The following CACNB2 variants were observed in gnomAD, a reference collection of about 807,000 sequenced individuals.
CACNB2 encodes the protein calcium voltage-gated channel auxiliary subunit beta 2, also known as voltage-dependent L-type calcium channel subunit beta-2.
A neutral mutation model predicts 73.3 loss-of-function variants in CACNB2; 42 were observed. The observed-to-expected ratio is 0.57, with a 90% CI of 0.45 to 0.74. The LOEUF (loss-of-function observed/expected upper bound fraction) is 0.74, where lower values mean the gene tolerates loss of function less well. CACNB2 is among the 30% of genes least tolerant of loss of function. CACNB2 has a pLI of 0.00. For missense variants in CACNB2, 940 were observed against 853.0 expected, an observed-to-expected ratio of 1.10 and a Z score of -1.27; for synonymous variants, 348 against 310.3, an observed-to-expected ratio of 1.12 and a Z score of -1.28.
chr10:18,360,078 G>C (rs1398055404), intron 2 of CACNB2, among the ~76,000 whole-genome samples: 3 of 152,144 alleles, frequency 2.0e-5, no homozygotes, highest in African/African-American at 7.2e-5. Flanking sequence ...GCTCAGGAAA[G>C]ACATCAATAA....
chr10:18,500,150 AG>A (rs1213499831), intron 4 of CACNB2, among the ~76,000 whole-genome samples: 1 of 152,318 alleles, frequency 6.6e-6, no homozygotes, highest in Admixed American at 6.5e-5. Context: ...TGATGCTGAA[AG>A]GGGGATCTTT....
intron 2 of CACNB2, among the ~76,000 whole-genome samples, chr10:18,393,580 A>G (rs1408824468): frequency 4.6e-5 from 7 of 152,246 alleles, no homozygotes; most frequent in Non-Finnish European, 8.8e-5. Flanking sequence ...CTTCAGCTTC[A>G]GTACTGAAAA....
chr10:18,303,400 G>A (rs913540277), intron 2 of CACNB2, among the ~76,000 whole-genome samples: 1 of 152,082 alleles, frequency 6.6e-6, no homozygotes, highest in African/African-American at 2.4e-5. Flanking sequence ...AGCCGCTCAG[G>A]GGGCTGAGAT....
intron 3 of CACNB2, among the ~76,000 whole-genome samples, chr10:18,443,808 A>C (rs2046598181): frequency 6.7e-6 from 1 of 150,150 alleles, no homozygotes; most frequent in Admixed American, 6.7e-5. Flanking sequence ...TCCACCTCCC[A>C]GGTTCAAGAG....
At chr10:18,279,366 C>T (rs1228262267) in intron 2 of CACNB2, among the ~76,000 whole-genome samples, 1 of 152,130 alleles carries the variant, frequency 6.6e-6, no homozygotes, top group African/African-American at 2.4e-5. Context: ...ATGATTCGCA[C>T]CAAGGGGGAA....
chr10:18,254,886 T>A (rs1357867743), intron 2 of CACNB2, among the ~76,000 whole-genome samples: 1 of 152,272 alleles, frequency 6.6e-6, no homozygotes, highest in Non-Finnish European at 1.5e-5. Context: ...GGAACGTGTA[T>A]GTATTACATT....
In CACNB2 at chr10:18,148,018, G is replaced by GT. The variant is rs547114646; in HGVS notation, c.121-2858dup. ...TTAGCTTTCCAAAGATGCTTTAAAT[G>GT]TTTTTTTGTTTTCTGATCCTGACTG... On this transcript the variant is annotated intron_variant, in intron 1 of 13. Transcript: ENST00000324631. Among the ~76,000 whole-genome samples, 4 of 151,786 alleles carry GT rather than the reference G, an allele frequency of 2.6e-5. No individual in the cohort carries two copies. The East Asian group carries it at 5.8e-4, about 22-fold the overall frequency.
chr10:18,372,642 G>C (rs957578537), intron 2 of CACNB2, among the ~76,000 whole-genome samples: 6 of 152,212 alleles, frequency 3.9e-5, no homozygotes, highest in Admixed American at 3.9e-4. Flanking sequence ...TCTGACCTCA[G>C]GTCATCCACC....
At chr10:18,408,795 G>A (rs529399639) in intron 3 of CACNB2, among the ~76,000 whole-genome samples, 9 of 152,206 alleles carry the variant, frequency 5.9e-5, no homozygotes, top group African/African-American at 1.7e-4. Flanking sequence ...GATTATGGAC[G>A]CAAATTTTTT....
chr10:18,460,230 C>T (rs1478574665), intron 3 of CACNB2, among the ~76,000 whole-genome samples: 1 of 151,956 alleles, frequency 6.6e-6, no homozygotes, highest in Non-Finnish European at 1.5e-5. Context: ...TTGTGGCTGT[C>T]AGTAGATTAA....
At chr10:18,334,387 G>T (rs998011383) in intron 2 of CACNB2, among the ~76,000 whole-genome samples, 10 of 152,204 alleles carry the variant, frequency 6.6e-5, no homozygotes, top group Non-Finnish European at 1.5e-4. Context: ...AGACCCACGG[G>T]GGTCTGGTTT....
At chr10:18,182,917 A>G (rs1040082208) in intron 2 of CACNB2, among the ~76,000 whole-genome samples, 21 of 152,066 alleles carry the variant, frequency 1.4e-4, no homozygotes, top group African/African-American at 4.1e-4. Context: ...TTTTATCTCA[A>G]TCTCTTACAC....
At chr10:18,491,088 G>T (rs1304065775) in intron 3 of CACNB2, among the ~76,000 whole-genome samples, 1 of 152,170 alleles carries the variant, frequency 6.6e-6, no homozygotes, top group Non-Finnish European at 1.5e-5. Context: ...AGATTTTTTG[G>T]CTTCTTTTTG....
chr10:18,424,277 G>C (rs72786085), intron 3 of CACNB2, among the ~76,000 whole-genome samples: 8,590 of 152,274 alleles, frequency 0.056, 313 homozygotes, highest in Middle Eastern at 0.088. Context: ...TGCCCCTGCA[G>C]AGCAAGGCTA....
intron 4 of CACNB2, among the ~76,000 whole-genome samples, chr10:18,499,989 C>T (rs892670084): frequency 6.6e-6 from 1 of 151,832 alleles, no homozygotes; most frequent in African/African-American, 2.4e-5. Flanking sequence ...ATAGAAGAGC[C>T]TAGAGAATTT....
rs533281929 is a variant in CACNB2 at position 18,202,112 on chromosome 10, G to A, written c.213+51137G>A. Among the ~76,000 whole-genome samples, 141 of 152,254 alleles carry A rather than the reference G, an allele frequency of 9.3e-4. 1 individual carries two copies. The highest frequency in any genetic ancestry group is 6.0e-4 in the Non-Finnish European group (41 of 68,022). Reference sequence around the variant, plus strand: ...TTTTGGTGGTAGTTTGATTAGAGAGGGAAGAGTACATGCTTTGGACCCTTA... The same window carrying A: ...TTTTGGTGGTAGTTTGATTAGAGAGAGAAGAGTACATGCTTTGGACCCTTA... On this transcript the variant is annotated intron_variant, in intron 2 of 13. Transcript: ENST00000324631.
At chr10:18,229,585 A>G (rs759100050) in intron 2 of CACNB2, among the ~76,000 whole-genome samples, 26 of 152,236 alleles carry the variant, frequency 1.7e-4, no homozygotes, top group Non-Finnish European at 3.2e-4. Flanking sequence ...TAAAATATTT[A>G]GCAGCATGAA....
At chr10:18,400,954 G>T in intron 2 of CACNB2, 1 of 1,607,962 alleles carries the variant, frequency 6.2e-7, no homozygotes, top group Non-Finnish European at 8.5e-7. Context: ...AAGGAGCTGG[G>T]GTTCTCCGGG....
chr10:18,482,408 T>C lies in CACNB2; in HGVS notation c.334-15947T>C, dbSNP rs74118213. ...TTACTACCCAAGGGCCAACCGCTGC[T>C]TCTGAAACATCAACTGACAGAAGAA... is the stretch of plus-strand genomic sequence containing the variant. On this transcript the variant is annotated intron_variant, in intron 3 of 13. Coordinates refer to ENST00000324631, the MANE Select transcript of CACNB2 (RefSeq NM_201596.3). 1.8e-3 allele frequency among the ~76,000 whole-genome samples: 277 copies of C among 152,332 alleles called. 1 individual carries two copies. The highest frequency in any genetic ancestry group is 6.5e-3 in the African/African-American group (271 of 41,570).
Sources: gnomAD v4.1 joint callset for allele counts (sites outside exome capture counted in the v4.1 genomes callset) on GRCh38, gnomAD v4.1.1 for gene constraint, MANE v1.5 for transcripts, NCBI Gene and HGNC (gene_info 2026-07-23, HGNC 2026-07-21) for gene names.